WWTR1: variants seen among roughly 807,000 people sequenced by gnomAD.
The protein encoded by WWTR1 is WW domain-containing transcription regulator protein 1.
WWTR1 carries 13 observed loss-of-function variants against 40.1 expected under a neutral mutation model. The ratio of observed to expected loss-of-function variants is 0.32; its 90% CI spans 0.21 to 0.52. The LOEUF is 0.52. WWTR1 is among the 20% of genes least tolerant of loss of function. The probability of loss-of-function intolerance (pLI) is 0.97; values close to 1 mark genes in which losing one functional copy is unlikely to be tolerated. For synonymous variants in WWTR1, 230 were observed against 210.1 expected (o/e 1.09, Z -0.82); for missense variants, 436 against 523.1 (o/e 0.83, Z 1.63).
chr3:149,542,707 G>A (rs909618091), intron 3 of WWTR1, among the ~76,000 whole-genome samples, 170 bp from the exon 4 acceptor site: 3 of 152,050 alleles, frequency 2.0e-5, no homozygotes, highest in South Asian at 2.1e-4. Context: ...TTCAATTCAC[G>A]GAGGCTCGAA....
chr3:149,579,672 G>C (rs1738052169), intron 2 of WWTR1, among the ~76,000 whole-genome samples: 1 of 152,076 alleles, frequency 6.6e-6, no homozygotes, highest in Non-Finnish European at 1.5e-5. Flanking sequence ...AAAAAAAGCT[G>C]CCAAGCCTAT....
intron 2 of WWTR1, among the ~76,000 whole-genome samples, chr3:149,593,446 T>G (rs184991223): frequency 1.3e-5 from 2 of 152,150 alleles, no homozygotes; most frequent in Non-Finnish European, 2.9e-5. Context: ...CCAGGAGATT[T>G]CAGAAATATT....
At chr3:149,595,395 C>T (rs1738949988) in intron 2 of WWTR1, among the ~76,000 whole-genome samples, 1 of 151,848 alleles carries the variant, frequency 6.6e-6, no homozygotes, top group African/African-American at 2.4e-5. Context: ...GATTTTGTCA[C>T]ACATGTAAAT....
At chr3:149,521,944 A>G (rs551950889) in intron 6 of WWTR1, among the ~76,000 whole-genome samples, 9 of 152,348 alleles carry the variant, frequency 5.9e-5, no homozygotes, top group African/African-American at 1.4e-4. Flanking sequence ...CCACATATCC[A>G]TGGCTCTGGG....
chr3:149,684,154 T>C (rs1214730823), intron 1 of WWTR1, among the ~76,000 whole-genome samples: 1 of 151,962 alleles, frequency 6.6e-6, no homozygotes, highest in East Asian at 1.9e-4. Flanking sequence ...TAGATTATCA[T>C]TTTTTAACAT....
intron 3 of WWTR1, among the ~76,000 whole-genome samples, chr3:149,556,010 C>T (rs1157120815): frequency 6.6e-6 from 1 of 152,134 alleles, no homozygotes; most frequent in East Asian, 1.9e-4. Context: ...GTACAAAGAT[C>T]CTAAGGTGGA....
At chr3:149,708,610 T>C (rs2108229169) in intron 5 of WWTR1, among the ~76,000 whole-genome samples, 1 of 152,360 alleles carries the variant, frequency 6.6e-6, no homozygotes, top group Non-Finnish European at 1.5e-5. Flanking sequence ...ACTTAATATG[T>C]CCTCAAGGTT....
intron 1 of WWTR1, among the ~76,000 whole-genome samples, chr3:149,673,349 T>C (rs1714157531): frequency 2.0e-5 from 3 of 152,248 alleles, no homozygotes; most frequent in South Asian, 2.1e-4. Flanking sequence ...GTGTACGTTA[T>C]GTAAAAAAAT....
In WWTR1 at chr3:149,634,794, C is replaced by G. The variant is rs147008182; in HGVS notation, c.431+22082G>C. 5.3e-4 allele frequency among the ~76,000 whole-genome samples: 81 copies of G among 152,340 alleles called. 1 individual carries two copies. In the East Asian group the frequency reaches 0.014, roughly 27 times the overall value. Reference sequence around the variant, plus strand: ...CTTTCACACGGATGTGCTTTCCAGACACTACCTCAGCACCAGCAACCACTG... The same window carrying G: ...CTTTCACACGGATGTGCTTTCCAGAGACTACCTCAGCACCAGCAACCACTG... On this transcript the variant is annotated intron_variant, in intron 2 of 6. Transcript: ENST00000360632.
chr3:149,522,145 C>CT (rs888621803), intron 6 of WWTR1, among the ~76,000 whole-genome samples: 1 of 152,180 alleles, frequency 6.6e-6, no homozygotes, highest in Non-Finnish European at 1.5e-5. Context: ...GCATTGATAA[C>CT]TAAGGCCAGC....
chr3:149,650,246 T>G (rs139895844), intron 2 of WWTR1: 2 of 152,206 alleles, frequency 1.3e-5, no homozygotes, highest in Non-Finnish European at 2.9e-5. Context: ...TATGCGATCA[T>G]CAAGGATACA....
intron 2 of WWTR1, among the ~76,000 whole-genome samples, chr3:149,585,065 GA>G (rs1738349244): frequency 6.6e-6 from 1 of 151,956 alleles, no homozygotes; most frequent in Admixed American, 6.6e-5. Flanking sequence ...AAAATGGAGA[GA>G]AATAATGGTA....
chr3:149,643,725 T>A (rs891554147), intron 2 of WWTR1, among the ~76,000 whole-genome samples: 2 of 152,202 alleles, frequency 1.3e-5, no homozygotes, highest in African/African-American at 4.8e-5. Context: ...CCTCAGGCCC[T>A]GTTATGACCT....
At chr3:149,543,515 G>T (rs2107939759) in intron 3 of WWTR1, among the ~76,000 whole-genome samples, 1 of 129,132 alleles carries the variant, frequency 7.7e-6, no homozygotes, top group Admixed American at 9.2e-5. Context: ...CCGGGAGGCG[G>T]AGGTTGCAGT....
intron 1 of WWTR1, among the ~76,000 whole-genome samples, chr3:149,692,720 G>A (rs561444804): frequency 6.6e-6 from 1 of 152,214 alleles, no homozygotes; most frequent in South Asian, 2.1e-4. Flanking sequence ...TGCAACCTCT[G>A]CCTCTCAGGT....
chr3:149,602,132 G>A (rs189073902), intron 2 of WWTR1, among the ~76,000 whole-genome samples: 1 of 152,190 alleles, frequency 6.6e-6, no homozygotes, highest in Admixed American at 6.5e-5. Context: ...ATAATGCTGG[G>A]GGAAAATGAG....
At chr3:149,633,566 G>A (rs146618418) in intron 2 of WWTR1, among the ~76,000 whole-genome samples, 26 of 152,312 alleles carry the variant, frequency 1.7e-4, no homozygotes. Context: ...ACCCAGCTCA[G>A]TGCTAGGTAT....
chr3:149,664,241 T>G (rs906942542), intron 2 of WWTR1, among the ~76,000 whole-genome samples: 21 of 152,324 alleles, frequency 1.4e-4, no homozygotes, highest in Admixed American at 3.3e-4. Context: ...CATTAGCAAC[T>G]GAAGAGGAGC....
intron 3 of WWTR1, among the ~76,000 whole-genome samples, chr3:149,565,198 A>C (rs1163282537): frequency 2.6e-5 from 4 of 152,132 alleles, no homozygotes; most frequent in Non-Finnish European, 4.4e-5. Context: ...GAAAATAAAT[A>C]AATAAATAAA....
Sources: allele counts gnomAD v4.1 joint callset (sites outside exome capture counted in the v4.1 genomes callset), GRCh38; gene constraint gnomAD v4.1.1; transcripts MANE v1.5; gene names NCBI Gene and HGNC (gene_info 2026-07-23, HGNC 2026-07-21).